Variants in SMCO4 observed in about 807,000 individuals in gnomAD.
SMCO4 encodes the protein single-pass membrane and coiled-coil domain-containing protein 4.
A neutral mutation model predicts 3.6 loss-of-function variants in SMCO4; 4 were observed. That is an observed-to-expected ratio of 1.11 (90% CI 0.54 to 2.53). The LOEUF is 2.53. Ranked by LOEUF, SMCO4 falls within the 30% of genes most tolerant of loss-of-function variation. The probability of loss-of-function intolerance (pLI) is 0.02; values close to 1 mark genes in which losing one functional copy is unlikely to be tolerated. For missense variants in SMCO4, 70 were observed against 80.8 expected, an observed-to-expected ratio of 0.87 and a Z score of 0.51; for synonymous variants, 36 against 35.3, an observed-to-expected ratio of 1.02 and a Z score of -0.07.
At chr11:93,515,567 G>A (rs1424924618) in intron 1 of SMCO4, among the ~76,000 whole-genome samples, 1 of 152,124 alleles carries the variant, frequency 6.6e-6, no homozygotes, top group South Asian at 2.1e-4. Context: ...TTGAAATAAG[G>A]AAGAGAGGCC....
chr11:93,510,145 T>C (rs951304407), intron 1 of SMCO4, among the ~76,000 whole-genome samples: 1 of 152,222 alleles, frequency 6.6e-6, no homozygotes, highest in Non-Finnish European at 1.5e-5. Context: ...GTGAGCATCA[T>C]GGACTCTGAG....
chr11:93,550,615 C>T, the SMCO4 span, among the ~76,000 whole-genome samples: 2 of 152,202 alleles, frequency 1.3e-5, no homozygotes, highest in Non-Finnish European at 2.9e-5. Flanking sequence ...TTTGAGGCTA[C>T]AGTGAGCTGT....
intron 2 of SMCO4, among the ~76,000 whole-genome samples, chr11:93,491,941 C>A (rs1300731848): frequency 6.6e-6 from 1 of 152,210 alleles, no homozygotes; most frequent in East Asian, 1.9e-4. Flanking sequence ...CCAAGATGCA[C>A]AAGCACCAGT....
chr11:93,547,808 T>C (rs1026653207), upstream of SMCO4, among the ~76,000 whole-genome samples: 4 of 152,154 alleles, frequency 2.6e-5, no homozygotes, highest in Admixed American at 2.6e-4. Context: ...TTCTCTCTGC[T>C]GGGTCCCTTT....
chr11:93,480,441 C>T (rs1948578724), intron 2 of SMCO4, among the ~76,000 whole-genome samples: 1 of 152,244 alleles, frequency 6.6e-6, no homozygotes, highest in African/African-American at 2.4e-5. Flanking sequence ...AGCTTCCATG[C>T]ATGTGTGACT....
chr11:93,492,529 A>T (rs1409128142), intron 2 of SMCO4, among the ~76,000 whole-genome samples: 2 of 152,192 alleles, frequency 1.3e-5, no homozygotes, highest in Non-Finnish European at 2.9e-5. Flanking sequence ...AAGACAAAAG[A>T]GTGTAAGGTG....
At chr11:93,520,554 A>G (rs1221073821) in intron 1 of SMCO4, among the ~76,000 whole-genome samples, 2 of 152,190 alleles carry the variant, frequency 1.3e-5, no homozygotes, top group South Asian at 4.1e-4. Context: ...AACTATCCCT[A>G]AACTATATTG....
At chr11:93,540,694 GCTCACTCCTAC>G (rs1447702430) in intron 1 of SMCO4, among the ~76,000 whole-genome samples, 2 of 152,254 alleles carry the variant, frequency 1.3e-5, no homozygotes, top group South Asian at 4.1e-4. Flanking sequence ...GTAAAATGAT[GCTCACTCCTAC>G]CTCACAATGC....
intron 2 of SMCO4, 36 bp from the exon 3 acceptor site, chr11:93,479,305 C>A: frequency 2.1e-6 from 3 of 1,442,116 alleles, no homozygotes; most frequent in Non-Finnish European, 2.7e-6. Context: ...AGAGAATAAA[C>A]CAAATAGAAG....
upstream of SMCO4, among the ~76,000 whole-genome samples, chr11:93,545,552 C>T (rs1487198439): frequency 3.6e-5 from 5 of 138,378 alleles, no homozygotes; most frequent in African/African-American, 1.4e-4. Context: ...CATGCCACTG[C>T]ACTCCAGCCT....
intron 2 of SMCO4, among the ~76,000 whole-genome samples, chr11:93,495,431 C>T (rs760879316): frequency 5.9e-5 from 9 of 151,918 alleles, no homozygotes; most frequent in East Asian, 3.9e-4. Context: ...GATGTGTGCA[C>T]GGCAGCACAC....
At chr11:93,507,238 C>G (rs879398922) in intron 1 of SMCO4, among the ~76,000 whole-genome samples, 1 of 152,100 alleles carries the variant, frequency 6.6e-6, no homozygotes, top group Non-Finnish European at 1.5e-5. Context: ...AACCCTATCT[C>G]TACTAAAAAT....
chr11:93,501,445 G>A lies in SMCO4; in HGVS notation c.-153-2097C>T, dbSNP rs527439911. Among the ~76,000 whole-genome samples the A allele has an allele frequency of 2.0e-4, 31 of 152,320 alleles. No individual in the cohort carries two copies. In the South Asian group the frequency reaches 6.0e-3, roughly 30 times the overall value. ...CTCTAGAAGCCGTAGGGGAGAACTC[G>A]TTTGTCGCCGCTTCCAGCTTCTGGT... On this transcript the variant is annotated intron_variant, in intron 1 of 2. Transcript: ENST00000298966.
chr11:93,479,034 G>A lies in SMCO4; in HGVS notation c.156C>T (p.Ala52=), dbSNP rs756253689. 1.4e-5 allele frequency: 23 copies of A among 1,610,136 alleles called. No homozygotes were observed. The highest frequency in any genetic ancestry group is 1.9e-5 in the Non-Finnish European group (22 of 1,177,978). The stretch of plus-strand genomic sequence containing the variant: ...CTCACTCGGTGATGGTGGGGCGCGT[G>A]GCCACGTACACAAACACCACGATCA... ...VLLIVVFVYV[A]TRPTITE is the part of the protein sequence containing the mutation. Residue 52 remains alanine (A), a synonymous_variant, in exon 3 of 3, where the codon GCC becomes GCT. Transcript: ENST00000298966.
upstream of SMCO4, among the ~76,000 whole-genome samples, chr11:93,543,791 T>TG (rs1252691664): frequency 1.3e-5 from 2 of 152,220 alleles, no homozygotes; most frequent in African/African-American, 4.8e-5. Flanking sequence ...GCGCCCTGTC[T>TG]GGAATACTGA....
chr11:93,552,110 A>G, the SMCO4 span, among the ~76,000 whole-genome samples: 2 of 151,386 alleles, frequency 1.3e-5, no homozygotes, highest in African/African-American at 4.9e-5. Context: ...GTTTCCAAAA[A>G]GTATGTTTTA....
chr11:93,513,708 G>T (rs1296455148), intron 1 of SMCO4, among the ~76,000 whole-genome samples: 1 of 152,148 alleles, frequency 6.6e-6, no homozygotes, highest in Non-Finnish European at 1.5e-5. Context: ...TTTGGGTGGA[G>T]GTGACAAAAG....
chr11:93,530,807 C>T (rs1254522390), intron 1 of SMCO4, among the ~76,000 whole-genome samples: 1 of 152,180 alleles, frequency 6.6e-6, no homozygotes, highest in Non-Finnish European at 1.5e-5. Flanking sequence ...CAAGTGCACA[C>T]ATTCCTTCTC....
rs1347130301 is a variant in SMCO4 at position 93,478,901 on chromosome 11, T to C, written c.*109A>G. 2.8e-6 allele frequency: 4 copies of C among 1,452,354 alleles called. No individual in the cohort carries two copies. In the African/African-American group the frequency reaches 5.7e-5, roughly 21 times the overall value. 90.0% of individuals were successfully genotyped at this position (1,452,354 alleles called of 1,614,324 possible). On this transcript the variant is annotated 3_prime_UTR_variant, in exon 3 of 3. Coordinates refer to ENST00000298966, the MANE Select transcript of SMCO4 (RefSeq NM_020179.3). The stretch of plus-strand genomic sequence containing the variant: ...ACCAGAGAAGACAGGGTGCTCCTGC[T>C]TACAGCTCAGCAACATGAACATCTC...
Sources: allele counts gnomAD v4.1 joint callset (sites outside exome capture counted in the v4.1 genomes callset), GRCh38; gene constraint gnomAD v4.1.1; transcripts MANE v1.5; gene names NCBI Gene and HGNC (gene_info 2026-07-23, HGNC 2026-07-21).